The following CCDC61 variants were observed in gnomAD, a reference collection of about 807,000 sequenced individuals.
CCDC61 encodes coiled-coil domain containing 61, also known as centrosomal protein CCDC61.
Under a neutral mutation model 63.0 loss-of-function variants are expected in CCDC61, and 55 were observed. The ratio of observed to expected loss-of-function variants is 0.87; its 90% CI spans 0.70 to 1.09. CCDC61 has a LOEUF of 1.09. Ranked by LOEUF, CCDC61 falls within the 50% of genes least tolerant of loss-of-function variation. The pLI, the probability that CCDC61 is intolerant of heterozygous loss-of-function variation, is 0.00. For missense variants in CCDC61, 651 were observed against 731.4 expected, an observed-to-expected ratio of 0.89 and a Z score of 1.27; for synonymous variants, 270 against 317.0, an observed-to-expected ratio of 0.85 and a Z score of 1.58.
At chr19:46,001,048 C>T (rs1278863458) in intron 1 of CCDC61, among the ~76,000 whole-genome samples, 2 of 142,178 alleles carry the variant, frequency 1.4e-5, no homozygotes, top group African/African-American at 2.7e-5. Context: ...CCTCCTACGC[C>T]TTGGTAACCC....
chr19:46,013,790 C>T (rs898215841), intron 5 of CCDC61, among the ~76,000 whole-genome samples: 5 of 151,396 alleles, frequency 3.3e-5, no homozygotes, highest in Non-Finnish European at 7.4e-5. Flanking sequence ...CGCTTCAACC[C>T]GGGAGGCAGA....
chr19:46,007,865 T>G (rs971640233), intron 4 of CCDC61, among the ~76,000 whole-genome samples: 1 of 152,156 alleles, frequency 6.6e-6, no homozygotes, highest in African/African-American at 2.4e-5. Context: ...ATTCCCTTCA[T>G]CAGCAGTGGG....
In CCDC61 at chr19:46,006,659, C is replaced by T. The variant is rs148543679; in HGVS notation, c.332C>T (p.Ser111Leu). ...CGCCCAGGCTCCTTGGCCCCCAGGT[C>T]GGCCCAGCTCAACTCCAAGCGCTAC... ...GGRPGSLAPR[S>L]AQLNSKRYLI... Residue 111 changes from serine to leucine, a missense_variant, in exon 4 of 14, where the codon TCG becomes TTG. Ser to Leu is a moderately radical substitution (Grantham distance 145, BLOSUM62 -2). Coordinates refer to ENST00000595358, the MANE Select transcript of CCDC61 (RefSeq NM_001267723.2). The T allele has an allele frequency of 3.8e-4, 612 of 1,613,768 alleles. 6 individuals carry two copies. In the African/African-American group the frequency reaches 4.5e-3, roughly 12 times the overall value.
Position 46,015,007 on chromosome 19 carries a change from G to A in CCDC61, c.552-42G>A. ...ACCCCCATGGAGTAGTGGGAATGGG[G>A]CCATGCCTCTCTCTCCAGCGCTCTC... On this transcript the variant is annotated intron_variant, in intron 5 of 13. Transcript: ENST00000595358. This position sits in a 1 kb window ranked among gnomAD's most constrained non-coding sequence, Gnocchi z 5.3. 2.0e-6 allele frequency: 3 copies of A among 1,463,440 alleles called. No homozygotes were observed. The highest frequency in any genetic ancestry group is 2.2e-5 in the Admixed American group (1 of 46,274). 90.7% of individuals were successfully genotyped at this position (1,463,440 alleles called of 1,614,324 possible).
intron 5 of CCDC61, among the ~76,000 whole-genome samples, chr19:46,009,917 C>A (rs1968795929): frequency 6.6e-6 from 1 of 151,980 alleles, no homozygotes; most frequent in Non-Finnish European, 1.5e-5. Flanking sequence ...CCCAAGATGG[C>A]CACAAGGGGG....
intron 3 of CCDC61, among the ~76,000 whole-genome samples, chr19:46,003,820 C>CGTGTGT (rs55945123): frequency 1.4e-4 from 20 of 144,004 alleles, no homozygotes; most frequent in Admixed American, 3.5e-4. Flanking sequence ...TTTCCAAATA[C>CGTGTGT]GTGTGTGTGT....
chr19:46,006,197 C>T (rs755705898), intron 3 of CCDC61, among the ~76,000 whole-genome samples: 4 of 152,150 alleles, frequency 2.6e-5, no homozygotes, highest in Non-Finnish European at 4.4e-5. Flanking sequence ...GTACCATTCG[C>T]GCACATGTCA....
intron 5 of CCDC61, among the ~76,000 whole-genome samples, chr19:46,013,933 C>T (rs5023036): frequency 0.3 from 45,978 of 151,646 alleles, 7,215 homozygotes; most frequent in African/African-American, 0.35. Flanking sequence ...CTTGCTCAAA[C>T]GATGTGTTTT....
chr19:46,017,122 T>C, intron 11 of CCDC61, 53 bp downstream of exon 11: 4 of 1,567,044 alleles, frequency 2.6e-6, no homozygotes, highest in Non-Finnish European at 3.5e-6. Context: ...CTGGGGAGAC[T>C]AGAAACAGTC....
In CCDC61 at chr19:45,998,343, T is replaced by C. The variant is rs10414315; in HGVS notation, c.-12+2839T>C. ...GCTTGTGTATAGTTGGGACCCGACCTAGGAAGCTGCATTTTCATAAGCACT... is the reference window on the plus strand; with the variant it reads ...GCTTGTGTATAGTTGGGACCCGACCCAGGAAGCTGCATTTTCATAAGCACT... On this transcript the variant is annotated intron_variant, in intron 1 of 13. Coordinates refer to ENST00000595358, the MANE Select transcript of CCDC61 (RefSeq NM_001267723.2). Among the ~76,000 whole-genome samples the C allele has an allele frequency of 7.7e-3, 1,178 of 152,326 alleles. 20 individuals carry two copies. Among genetic ancestry groups the C allele is most frequent in the African/African-American group, 0.027 (1,119 of 41,584 alleles).
At chr19:46,011,548 C>T (rs1454948821) in intron 5 of CCDC61, among the ~76,000 whole-genome samples, 2 of 152,146 alleles carry the variant, frequency 1.3e-5, no homozygotes, top group African/African-American at 4.8e-5. Context: ...GTTTAATGTC[C>T]TTCTCTGTCC....
In CCDC61 at chr19:46,015,318, C is replaced by T. The variant is rs74378972; in HGVS notation, c.763-27C>T. The T allele has an allele frequency of 0.033, 52,302 of 1,588,946 alleles. 1,474 individuals carry two copies. Among genetic ancestry groups the T allele is most frequent in the East Asian group, 0.15 (6,728 of 44,134 alleles). On this transcript the variant is annotated intron_variant, in intron 6 of 13. Coordinates refer to ENST00000595358, the MANE Select transcript of CCDC61 (RefSeq NM_001267723.2). This position sits in a 1 kb window ranked among gnomAD's most constrained non-coding sequence, Gnocchi z 5.3. ...CGCGGACCTCGGCCTCAGCCTGGAC[C>T]TCCGCGCCCCTCTCCCCTCCCGGCA...
intron 2 of CCDC61, 39 bp downstream of exon 2, chr19:46,003,205 C>A: frequency 6.4e-7 from 1 of 1,570,712 alleles, no homozygotes; most frequent in Non-Finnish European, 8.7e-7. Context: ...CCTTTCCTCT[C>A]CTGGGATCAG....
At chr19:46,005,198 C>T (rs192936883) in intron 3 of CCDC61, among the ~76,000 whole-genome samples, 13 of 151,772 alleles carry the variant, frequency 8.6e-5, no homozygotes, top group Admixed American at 2.6e-4. Context: ...TTAGTAGAGA[C>T]GGGGTTTTGC....
chr19:46,004,186 C>T (rs529848234), intron 3 of CCDC61, among the ~76,000 whole-genome samples: 4 of 152,172 alleles, frequency 2.6e-5, no homozygotes, highest in South Asian at 2.1e-4. Context: ...GTGATCCACC[C>T]GCCTCTGCCT....
chr19:46,002,422 A>T (rs1486789055), intron 1 of CCDC61, among the ~76,000 whole-genome samples: 1 of 147,846 alleles, frequency 6.8e-6, no homozygotes, highest in African/African-American at 2.5e-5. Context: ...TTTTTTGGCC[A>T]TCATGTATTT....
In CCDC61 at chr19:46,016,853, G is replaced by A; in HGVS notation, c.1231+20G>A. 6.6e-7 allele frequency: 1 copy of A among 1,508,696 alleles called. No individual in the cohort carries two copies. The highest frequency in any genetic ancestry group is 8.9e-7 in the Non-Finnish European group (1 of 1,127,108). The allele number at this position is 1,508,696 out of a possible 1,614,324, so 93.5% of individuals were successfully genotyped here. ...CCTCAGGTAACTGGCCTGGAGCTGG[G>A]GGCTGCCGGGCTAGGCGGGACTGGG... is the stretch of plus-strand genomic sequence containing the variant. On this transcript the variant is annotated intron_variant, in intron 10 of 13. Coordinates refer to ENST00000595358, the MANE Select transcript of CCDC61 (RefSeq NM_001267723.2). The surrounding 1 kb of genome is among the most constrained non-coding windows in gnomAD (Gnocchi z 7.2).
chr19:46,018,271 C>T lies in CCDC61; in HGVS notation c.1442-19C>T, dbSNP rs1490949654. 1 of 1,558,506 alleles carries T rather than the reference C, an allele frequency of 6.4e-7. No individual in the cohort carries two copies. ...CTTCAGGCCCCTCACAGCCCCCATACCCACACCTGCTCTCACAGAGTACAG... is the reference window on the plus strand; with the variant it reads ...CTTCAGGCCCCTCACAGCCCCCATATCCACACCTGCTCTCACAGAGTACAG... On this transcript the variant is annotated intron_variant, in intron 13 of 13. Transcript: ENST00000595358. The surrounding 1 kb of genome is among the most constrained non-coding windows in gnomAD (Gnocchi z 4.2).
At chr19:46,006,522 G>T in intron 3 of CCDC61, 37 bp from the exon 4 acceptor site, 1 of 1,467,250 alleles carries the variant, frequency 6.8e-7, no homozygotes, top group South Asian at 1.4e-5. Context: ...TGGCAGTGGC[G>T]GGTGCTGTGG....
Sources: gnomAD v4.1 joint callset for allele counts (sites outside exome capture counted in the v4.1 genomes callset) on GRCh38, gnomAD v4.1.1 for gene constraint, Gnocchi (gnomAD v3.1) non-coding constraint, MANE v1.5 for transcripts, NCBI Gene and HGNC (gene_info 2026-07-23, HGNC 2026-07-21) for gene names.